Variants in SH3YL1 observed in about 807,000 individuals in gnomAD.
The protein encoded by SH3YL1 is SH3 and SYLF domain containing 1.
A neutral mutation model predicts 45.8 loss-of-function variants in SH3YL1; 41 were observed. That is an observed-to-expected ratio of 0.89 (90% confidence interval 0.70 to 1.16). SH3YL1 has a LOEUF of 1.16. SH3YL1 is among the 50% of genes most tolerant of loss of function. SH3YL1 has a pLI of 0.00. For missense variants in SH3YL1, 389 were observed against 409.6 expected (o/e 0.95, Z 0.43); for synonymous variants, 152 against 151.4 (o/e 1.00, Z -0.03).
chr2:237,650 T>C (rs148291302), intron 4 of SH3YL1, among the ~76,000 whole-genome samples: 1 of 152,290 alleles, frequency 6.6e-6, no homozygotes, highest in African/African-American at 2.4e-5. Flanking sequence ...TTCACAATAA[T>C]CTATTGACTA....
rs1461249841 is a variant in SH3YL1 at position 230,840 on chromosome 2, G to A, written c.702+183C>T. On this transcript the variant is annotated intron_variant, in intron 7 of 9. Transcript: ENST00000356150. ...AATGCAATCACAGAGGACAAATTAT[G>A]TTTTTCCCTGAAATCTGTACAGAGG... 5.0e-6 allele frequency: 3 copies of A among 603,964 alleles called. No homozygotes were observed. The African/African-American group carries it at 5.6e-5, about 11-fold the overall frequency. The allele number at this position is 603,964 out of a possible 1,614,324, so 37.4% of individuals were successfully genotyped here.
rs115460353 is a variant in SH3YL1 at position 252,692 on chromosome 2, C to T, written c.112+313G>A. ...ATTTTTAAAACAGAGCTCAGAGTCA[C>T]GTGCTGTGATTAATTAAGAGGGAGG... is the stretch of plus-strand genomic sequence containing the variant. On this transcript the variant is annotated intron_variant, in intron 2 of 9. Transcript: ENST00000356150. 6.8e-3 allele frequency among the ~76,000 whole-genome samples: 1,036 copies of T among 152,236 alleles called. 18 individuals are homozygous for T. The highest frequency in any genetic ancestry group is 0.024 in the African/African-American group (977 of 41,530).
At chr2:232,472 T>A (rs544108227) in intron 6 of SH3YL1, among the ~76,000 whole-genome samples, 133 of 151,938 alleles carry the variant, frequency 8.8e-4, no homozygotes, top group African/African-American at 3.1e-3. Context: ...CTTTAAGTTC[T>A]GGGGTACATG....
intron 4 of SH3YL1, chr2:241,333 A>G (rs1444614979): frequency 6.6e-6 from 1 of 152,162 alleles, no homozygotes; most frequent in Non-Finnish European, 1.5e-5. Context: ...GAACTGGTAA[A>G]TTTGAATAAT....
chr2:251,249 C>T (rs1433932556), intron 2 of SH3YL1, among the ~76,000 whole-genome samples: 2 of 152,226 alleles, frequency 1.3e-5, no homozygotes, highest in Non-Finnish European at 2.9e-5. Flanking sequence ...GTTTCACCTA[C>T]TTCTTAGAAT....
At chr2:227,711 G>A (rs1296061247) in intron 8 of SH3YL1, among the ~76,000 whole-genome samples, 6 of 152,002 alleles carry the variant, frequency 3.9e-5, no homozygotes, top group African/African-American at 1.4e-4. Context: ...AGAAAACAAC[G>A]TGAAAGTTCA....
At chr2:232,985 CTT>C in intron 6 of SH3YL1, 114 bp downstream of exon 6, 1 of 874,552 alleles carries the variant, frequency 1.1e-6, no homozygotes, top group Non-Finnish European at 1.6e-6. Flanking sequence ...AAGATACACA[CTT>C]AAAACCACAT....
Position 231,190 on chromosome 2 carries a change from A to G in SH3YL1, c.535T>C (p.Phe179Leu). Residue 179 changes from phenylalanine to leucine, a missense_variant and splice_region_variant, in exon 7 of 10, where the codon TTT (phenylalanine) becomes CTT (leucine). By Grantham distance (22) the Phe-to-Leu change is conservative. Coordinates refer to ENST00000356150, the MANE Select transcript of SH3YL1 (RefSeq NM_015677.4). ...TAAGCTCGGATATCTTGACAATAAAATCTAATGGGAAATATAAAATTAAAA... is the reference window on the plus strand; with the variant it reads ...TAAGCTCGGATATCTTGACAATAAAGTCTAATGGGAAATATAAAATTAAAA... ...LIERKETNRKFYCQDIRAYDI... is the reference protein window; with the variant it reads ...LIERKETNRKLYCQDIRAYDI... The G allele has an allele frequency of 6.3e-7, 1 of 1,598,648 alleles. No individual in the cohort carries two copies. The highest frequency in any genetic ancestry group is 8.5e-7 in the Non-Finnish European group (1 of 1,172,208).
At chr2:253,279 T>A (rs1669155993) in intron 1 of SH3YL1, among the ~76,000 whole-genome samples, 164 bp from the exon 2 acceptor site, 1 of 152,192 alleles carries the variant, frequency 6.6e-6, no homozygotes, top group South Asian at 2.1e-4. Flanking sequence ...CCTACTGGGC[T>A]GCATTCCCAG....
At chr2:264,141 C>G, upstream of SH3YL1, 3 of 1,124,526 alleles carry the variant, frequency 2.7e-6, no homozygotes, top group Non-Finnish European at 3.5e-6. Flanking sequence ...TTTCGCGGGA[C>G]AAAAACCACG....
At chr2:257,054 C>G (rs1196743102) in intron 1 of SH3YL1, among the ~76,000 whole-genome samples, 1 of 151,888 alleles carries the variant, frequency 6.6e-6, no homozygotes. Context: ...CCTTTAACCA[C>G]TTATTATTAT....
chr2:234,126 C>A (rs532139893), intron 5 of SH3YL1, 34 bp downstream of exon 5: 8 of 1,470,128 alleles, frequency 5.4e-6, no homozygotes, highest in Admixed American at 3.8e-5. Context: ...AGTTGTTAAA[C>A]CTTTACTGTC....
intron 1 of SH3YL1, 163 bp downstream of exon 1, chr2:263,821 C>T: frequency 3.5e-6 from 2 of 570,884 alleles, no homozygotes; most frequent in South Asian, 4.3e-5. Flanking sequence ...TCAAGAAAGT[C>T]CTGGAAGCTG....
At position 227,121 on chromosome 2, in the gene SH3YL1, A is replaced by G. The variant is rs74386152; in HGVS notation, c.782-2201T>C. 7.1e-3 allele frequency among the ~76,000 whole-genome samples: 1,084 copies of G among 152,118 alleles called. 15 individuals carry two copies. Among genetic ancestry groups the G allele is most frequent in the African/African-American group, 0.024 (1,012 of 41,456 alleles). ...TGGGAAGGTTATGGGGAGTGTATATATGGTGGGGAGTATATATGGTTAGGA... is the reference window on the plus strand; with the variant it reads ...TGGGAAGGTTATGGGGAGTGTATATGTGGTGGGGAGTATATATGGTTAGGA... On this transcript the variant is annotated intron_variant, in intron 8 of 9. Transcript: ENST00000356150.
rs1667728777 is a variant in SH3YL1, at chr2:224,894, G to A, written c.808C>T (p.Pro270Ser). The A allele has an allele frequency of 6.2e-7, 1 of 1,610,926 alleles. No homozygotes were observed. The highest frequency in any genetic ancestry group is 1.3e-5 in the African/African-American group (1 of 74,844). ...QSNRNEYKLY[P>S]GLSSYHERVG... ...CTCTCATGATAGCTGGAAAGTCCAGGATAGAGCTTATATTCATTTCTGTTA... is the reference window on the plus strand; with the variant it reads ...CTCTCATGATAGCTGGAAAGTCCAGAATAGAGCTTATATTCATTTCTGTTA... Residue 270 changes from proline to serine, a missense_variant, in exon 9 of 10, where the codon CCT becomes TCT. By Grantham distance (74) the Pro-to-Ser change is moderately conservative (BLOSUM62 -1). Coordinates refer to ENST00000356150, the MANE Select transcript of SH3YL1 (RefSeq NM_015677.4).
At chr2:258,066 T>C (rs1163523221) in intron 1 of SH3YL1, among the ~76,000 whole-genome samples, 1 of 152,246 alleles carries the variant, frequency 6.6e-6, no homozygotes, top group African/African-American at 2.4e-5. Flanking sequence ...CTTTGTAGTA[T>C]AGTTTGAAGT....
At position 218,772 on chromosome 2, in the gene SH3YL1, A is replaced by T; in HGVS notation, c.*39T>A. ...AGTAAATCCTGTCAGTGTAGAAATAATTTTTTTGTAATTCTCAAAGAAGAA... is the reference window on the plus strand; with the variant it reads ...AGTAAATCCTGTCAGTGTAGAAATATTTTTTTTGTAATTCTCAAAGAAGAA... On this transcript the variant is annotated 3_prime_UTR_variant, in exon 10 of 10. Transcript: ENST00000356150. 2 of 1,489,294 alleles carry T rather than the reference A, an allele frequency of 1.3e-6. No homozygotes were observed. Among genetic ancestry groups the T allele is most frequent in the South Asian group, 1.4e-5 (1 of 72,044 alleles). The allele number at this position is 1,489,294 out of a possible 1,614,324, so 92.3% of individuals were successfully genotyped here. A position where few individuals can be genotyped will look rare whatever the true frequency, so the allele number is the denominator to read the frequency against.
intron 6 of SH3YL1, among the ~76,000 whole-genome samples, chr2:231,501 T>C (rs2103026063): frequency 6.6e-6 from 1 of 152,336 alleles, no homozygotes; most frequent in African/African-American, 2.4e-5. Context: ...CACATATTCA[T>C]ATATAAACAC....
chr2:258,564 CT>C (rs1669456419), intron 1 of SH3YL1, among the ~76,000 whole-genome samples: 1 of 152,174 alleles, frequency 6.6e-6, no homozygotes, highest in Non-Finnish European at 1.5e-5. Flanking sequence ...GATTTCATTG[CT>C]TCCCTTAAAA....
Sources: allele counts gnomAD v4.1 joint callset (sites outside exome capture counted in the v4.1 genomes callset), GRCh38; gene constraint gnomAD v4.1.1; transcripts MANE v1.5; gene names NCBI Gene and HGNC (gene_info 2026-07-23, HGNC 2026-07-21).